Variants in ZKSCAN1 observed in about 807,000 individuals in gnomAD.
ZKSCAN1 encodes zinc finger protein with KRAB and SCAN domains 1.
Under a neutral mutation model 51.6 loss-of-function variants are expected in ZKSCAN1, and 14 were observed. That is an observed-to-expected ratio of 0.27 (90% CI 0.18 to 0.42). The LOEUF (loss-of-function observed/expected upper bound fraction) is 0.42, where lower values mean the gene tolerates loss of function less well. Among genes scored for constraint, ZKSCAN1 ranks in the 10% least tolerant of loss-of-function variants. The pLI, the probability that ZKSCAN1 is intolerant of heterozygous loss-of-function variation, is 1.00. For missense variants in ZKSCAN1, 531 were observed against 710.0 expected, an observed-to-expected ratio of 0.75 and a Z score of 2.86; for synonymous variants, 263 against 261.5, an observed-to-expected ratio of 1.01 and a Z score of -0.06.
rs567343439 is a variant in ZKSCAN1 at position 100,016,159 on chromosome 7, C to G, written c.-89+433C>G. Among the ~76,000 whole-genome samples the G allele has an allele frequency of 1.1e-4, 17 of 152,206 alleles. 1 individual carries two copies. The South Asian group carries it at 3.3e-3, about 30-fold the overall frequency. On this transcript the variant is annotated intron_variant, in intron 1 of 5. Coordinates refer to ENST00000324306, the MANE Select transcript of ZKSCAN1 (RefSeq NM_003439.4). ...TCCCCCCCCGGTTCCTTCGGGACCT[C>G]GAGGTGAAATGAGCGGAAGGATGAG...
chr7:100,041,726 C>T, downstream of ZKSCAN1: 1 of 985,228 alleles, frequency 1.0e-6, no homozygotes. Flanking sequence ...CTTTGTTTTT[C>T]TCATCCTTGG....
intron 1 of ZKSCAN1, 89 bp from the exon 2 acceptor site, chr7:100,023,330 G>A: frequency 8.8e-6 from 6 of 679,074 alleles, no homozygotes; most frequent in South Asian, 8.8e-5. Context: ...TTCTGATAGT[G>A]CCTCGATGTG....
At chr7:100,032,583 G>C (rs952645454) in intron 5 of ZKSCAN1, among the ~76,000 whole-genome samples, 2 of 152,304 alleles carry the variant, frequency 1.3e-5, no homozygotes, top group East Asian at 3.9e-4. Flanking sequence ...AAGTCAGGCC[G>C]GGTGCAGTGG....
At chr7:100,026,664 G>T (rs1198545923) in intron 3 of ZKSCAN1, among the ~76,000 whole-genome samples, 1 of 151,914 alleles carries the variant, frequency 6.6e-6, no homozygotes, top group Non-Finnish European at 1.5e-5. Flanking sequence ...GGCAGAGGTT[G>T]TGGTGAGCCA....
chr7:100,034,339 A>G lies in ZKSCAN1; in HGVS notation c.*142A>G. On this transcript the variant is annotated 3_prime_UTR_variant, in exon 6 of 6. Coordinates refer to ENST00000324306, the MANE Select transcript of ZKSCAN1 (RefSeq NM_003439.4). ...ACTTAAGGATCCTTCTAGTCACATC[A>G]GCAGTGTTCTGCCTTTATGTAGTAG... 1 of 1,437,412 alleles carries G rather than the reference A, an allele frequency of 7.0e-7. No homozygotes were observed. Among genetic ancestry groups the G allele is most frequent in the Non-Finnish European group, 9.0e-7 (1 of 1,104,988 alleles). 89.0% of individuals were successfully genotyped at this position (1,437,412 alleles called of 1,614,324 possible).
rs1791244119 is a variant in ZKSCAN1, at chr7:100,034,157, C to T, written c.1652C>T (p.Ser551Phe). 1 of 1,535,780 alleles carries T rather than the reference C, an allele frequency of 6.5e-7. No individual in the cohort carries two copies. Among genetic ancestry groups the T allele is most frequent in the East Asian group, 2.3e-5 (1 of 44,212 alleles). The change falls in exon 6 of 6, where the codon TCC becomes TTC. Residue 551 changes from serine to phenylalanine, a missense_variant. This residue lies in a region of ZKSCAN1 where 128 missense variants were observed against 219.5 expected (regional missense o/e 0.58). Coordinates refer to ENST00000324306, the MANE Select transcript of ZKSCAN1 (RefSeq NM_003439.4). ...RERASEYSPA[S>F]LDAFGAFLKS... ...AGAGCCTCTGAGTACAGCCCAGCCT[C>T]CCTTGATGCATTTGGCGCGTTCCTG...
intron 1 of ZKSCAN1, chr7:100,019,444 G>A (rs6953441): frequency 0.25 from 37,764 of 152,004 alleles, 4,998 homozygotes; most frequent in East Asian, 0.4. Context: ...CAGCTCAGGT[G>A]ATCGACCCTC....
chr7:100,042,091 G>A (rs928430462), downstream of ZKSCAN1, among the ~76,000 whole-genome samples: 1 of 152,172 alleles, frequency 6.6e-6, no homozygotes, highest in African/African-American at 2.4e-5. Flanking sequence ...GGCCGAGGCA[G>A]GCAGATCACC....
intron 3 of ZKSCAN1, among the ~76,000 whole-genome samples, chr7:100,027,702 T>G (rs192465123): frequency 1.4e-5 from 2 of 142,754 alleles, no homozygotes; most frequent in African/African-American, 5.2e-5. Flanking sequence ...GAGCCGAGAT[T>G]GCGCCACTGC....
intron 5 of ZKSCAN1, 110 bp downstream of exon 5, chr7:100,030,485 AT>A: frequency 7.5e-7 from 1 of 1,334,816 alleles, no homozygotes; most frequent in South Asian, 1.5e-5. Context: ...GAGACTACCT[AT>A]CCCCTTTTGT....
chr7:100,023,777 A>T lies in ZKSCAN1; in HGVS notation c.271A>T (p.Thr91Ser). The part of the protein sequence containing the change: ...CHQWLRPEIN[T>S]KEQILELLVL... ...TCAGTGGCTGCGGCCAGAAATAAAC[A>T]CCAAGGAACAGATCCTGGAGCTTCT... Residue 91 changes from threonine (T) to serine (S), a missense_variant, in exon 2 of 6, where the codon ACC becomes TCC. Around this residue, in one of 2 missense-constraint regions of ZKSCAN1, gnomAD observed 403 missense variants for 490.5 expected, o/e 0.82. Coordinates refer to ENST00000324306, the MANE Select transcript of ZKSCAN1 (RefSeq NM_003439.4). 6.2e-7 allele frequency: 1 copy of T among 1,614,146 alleles called. No individual in the cohort carries two copies. Among genetic ancestry groups the T allele is most frequent in the Non-Finnish European group, 8.5e-7 (1 of 1,180,018 alleles).
chr7:100,030,405 A>G (rs751163476), intron 5 of ZKSCAN1, 30 bp downstream of exon 5: 45 of 1,601,702 alleles, frequency 2.8e-5, no homozygotes, highest in Middle Eastern at 1.6e-4. Flanking sequence ...ACTGTCTGAT[A>G]AGATGGTTTT....
chr7:100,019,914 G>C (rs1380096691), intron 1 of ZKSCAN1, among the ~76,000 whole-genome samples: 1 of 152,062 alleles, frequency 6.6e-6, no homozygotes. Flanking sequence ...TGTTATCCAG[G>C]CTGGTCTCGA....
At chr7:100,024,663 G>A (rs1206830578) in intron 3 of ZKSCAN1, 1 of 180,020 alleles carries the variant, frequency 5.6e-6, no homozygotes, top group Non-Finnish European at 1.2e-5. Flanking sequence ...ACTTTGGGAG[G>A]CTGAGGCGGG....
chr7:100,021,116 C>CTTTTTTTTTTT (rs60632908), intron 1 of ZKSCAN1, among the ~76,000 whole-genome samples: 14 of 85,324 alleles, frequency 1.6e-4, no homozygotes, highest in African/African-American at 1.7e-4. Flanking sequence ...TTTTTTTTTC[C>CTTTTTTTTTTT]TTTTTTTTTT....
In ZKSCAN1 at chr7:100,024,137, A is replaced by G. The variant is rs1351376643; in HGVS notation, c.427-17A>G. Reference sequence around the variant, plus strand: ...TACAAAGTGATTTACCCACAAGCCCAACCTGTCTGTCTTCAGGTCCCAGGT... The same window carrying G: ...TACAAAGTGATTTACCCACAAGCCCGACCTGTCTGTCTTCAGGTCCCAGGT... On this transcript the variant is annotated splice_polypyrimidine_tract_variant and intron_variant, in intron 2 of 5. Coordinates refer to ENST00000324306, the MANE Select transcript of ZKSCAN1 (RefSeq NM_003439.4). 4 of 1,602,220 alleles carry G rather than the reference A, an allele frequency of 2.5e-6. No homozygotes were observed. Among genetic ancestry groups the G allele is most frequent in the Non-Finnish European group, 3.4e-6 (4 of 1,174,154 alleles).
Position 100,024,079 on chromosome 7 carries a change from C to T in ZKSCAN1, c.427-75C>T. On this transcript the variant is annotated intron_variant, in intron 2 of 5. Coordinates refer to ENST00000324306, the MANE Select transcript of ZKSCAN1 (RefSeq NM_003439.4). Reference sequence around the variant, plus strand: ...TTCTTCCTGCATCCACTGGCATACTCATGGTCTGTTTTTAAATATTTTAAT... The same window carrying T: ...TTCTTCCTGCATCCACTGGCATACTTATGGTCTGTTTTTAAATATTTTAAT... 1.9e-6 allele frequency: 3 copies of T among 1,545,492 alleles called. 1 individual carries two copies. The South Asian group carries it at 3.8e-5, about 20-fold the overall frequency.
At position 100,036,780 on chromosome 7, in the gene ZKSCAN1, G is replaced by A; in HGVS notation, c.*2583G>A. 1.0e-6 allele frequency: 1 copy of A among 982,354 alleles called. No individual in the cohort carries two copies. The highest frequency in any genetic ancestry group is 1.2e-6 in the Non-Finnish European group (1 of 829,430). The allele number at this position is 982,354 out of a possible 1,614,324, so 60.9% of individuals were successfully genotyped here. A position where few individuals can be genotyped will look rare whatever the true frequency, so the allele number is the denominator to read the frequency against. Reference sequence around the variant, plus strand: ...TGTGGAACTCCAGGCAACGACCCAAGCACTTATTTTTTAAGAGGGAAAGGA... The same window carrying A: ...TGTGGAACTCCAGGCAACGACCCAAACACTTATTTTTTAAGAGGGAAAGGA... On this transcript the variant is annotated 3_prime_UTR_variant, in exon 6 of 6. Coordinates refer to ENST00000324306, the MANE Select transcript of ZKSCAN1 (RefSeq NM_003439.4).
Position 100,024,458 on chromosome 7 carries a change from G to A in ZKSCAN1, c.580+151G>A, listed in dbSNP as rs1262481194. On this transcript the variant is annotated intron_variant, in intron 3 of 5. Transcript: ENST00000324306. ...AAAATAGAAAAATTAGCCAGGTATA[G>A]TGGCGCACACCTGTGATTCCAGCTA... is the stretch of plus-strand genomic sequence containing the variant. The A allele has an allele frequency of 6.1e-6, 6 of 979,830 alleles. No homozygotes were observed. The East Asian group carries it at 1.6e-4, about 26-fold the overall frequency. 60.7% of individuals were successfully genotyped at this position (979,830 alleles called of 1,614,324 possible). A position where few individuals can be genotyped will look rare whatever the true frequency, so the allele number is the denominator to read the frequency against.
Sources: gnomAD v4.1 joint callset for allele counts (sites outside exome capture counted in the v4.1 genomes callset) on GRCh38, gnomAD v4.1.1 for gene constraint, gnomAD v4.1.1 regional missense constraint, MANE v1.5 for transcripts, NCBI Gene and HGNC (gene_info 2026-07-23, HGNC 2026-07-21) for gene names.